The following KHDRBS2 variants were observed in gnomAD, a reference collection of about 807,000 sequenced individuals.
The protein encoded by KHDRBS2 is KH domain-containing, RNA-binding, signal transduction-associated protein 2.
Under a neutral mutation model 44.3 loss-of-function variants are expected in KHDRBS2, and 26 were observed. The observed-to-expected ratio is 0.59, with a 90% CI of 0.43 to 0.81. The LOEUF is 0.81. Ranked by LOEUF, KHDRBS2 falls within the 40% of genes least tolerant of loss-of-function variation. KHDRBS2 has a pLI of 0.00. For missense variants in KHDRBS2, 476 were observed against 433.1 expected (o/e 1.10, Z -0.88); for synonymous variants, 194 against 151.1 (o/e 1.28, Z -2.08).
intron 2 of KHDRBS2, among the ~76,000 whole-genome samples, chr6:62,107,289 T>C (rs986783871): frequency 2.0e-5 from 3 of 152,160 alleles, no homozygotes; most frequent in Admixed American, 2.0e-4. Context: ...AGCATTCTTA[T>C]ACACCAATAA....
intron 2 of KHDRBS2, among the ~76,000 whole-genome samples, chr6:62,073,011 A>T (rs1795537591): frequency 6.6e-6 from 1 of 152,008 alleles, no homozygotes; most frequent in Non-Finnish European, 1.5e-5. Flanking sequence ...TATTGCCTCA[A>T]TTTCAGAGCC....
At chr6:61,890,827 A>T (rs1392843397) in intron 6 of KHDRBS2, among the ~76,000 whole-genome samples, 1 of 152,040 alleles carries the variant, frequency 6.6e-6, no homozygotes, top group East Asian at 1.9e-4. Context: ...GTAGAATATG[A>T]TTTCTGTTTC....
chr6:62,158,492 T>C (rs1296028506), intron 2 of KHDRBS2, among the ~76,000 whole-genome samples: 4 of 152,162 alleles, frequency 2.6e-5, no homozygotes, highest in Non-Finnish European at 2.9e-5. Flanking sequence ...CAGGTCTATC[T>C]AGTTCAAAAT....
At chr6:61,717,349 G>A (rs1377329282) in intron 7 of KHDRBS2, among the ~76,000 whole-genome samples, 1 of 151,908 alleles carries the variant, frequency 6.6e-6, no homozygotes, top group Non-Finnish European at 1.5e-5. Context: ...AACTAAAAAA[G>A]AGAGAGAGAA....
intron 1 of KHDRBS2, among the ~76,000 whole-genome samples, chr6:62,206,281 CA>C (rs1827957890): frequency 6.6e-6 from 1 of 152,142 alleles, no homozygotes; most frequent in Middle Eastern, 3.4e-3. Flanking sequence ...TGTTTATGCA[CA>C]AACAGGTCAT....
At position 62,058,952 on chromosome 6, in the gene KHDRBS2, A is replaced by T. The variant is rs374708401; in HGVS notation, c.220-10958T>A. 1.5e-3 allele frequency among the ~76,000 whole-genome samples: 222 copies of T among 151,868 alleles called. 1 individual carries two copies. The highest frequency in any genetic ancestry group is 5.0e-3 in the African/African-American group (208 of 41,524). On this transcript the variant is annotated intron_variant, in intron 2 of 8. Transcript: ENST00000281156. The stretch of plus-strand genomic sequence containing the variant: ...AATATGTAAAATTCATATAAAATAA[A>T]ATCAGTTCAGTCACTCACAAGTAAC...
At chr6:61,644,475 G>T in the KHDRBS2 span, among the ~76,000 whole-genome samples, 1 of 152,128 alleles carries the variant, frequency 6.6e-6, no homozygotes, top group African/African-American at 2.4e-5. Flanking sequence ...TTAAACTTAA[G>T]AGCTTCTGTA....
chr6:62,098,181 T>C (rs1361537749), intron 2 of KHDRBS2, among the ~76,000 whole-genome samples: 2 of 151,982 alleles, frequency 1.3e-5, no homozygotes, highest in Admixed American at 6.6e-5. Flanking sequence ...ATGTCTATAG[T>C]ATAGGAGTAT....
Position 61,954,848 on chromosome 6 carries a change from ATG to A in KHDRBS2, c.483+23216_483+23217del, listed in dbSNP as rs1562513802. On this transcript the variant is annotated intron_variant, in intron 4 of 8. Transcript: ENST00000281156. Reference sequence around the variant, plus strand: ...TACACATGCATATGTATGTATACATATGCATGTGTATATACACATACATATGT... The same window carrying A: ...TACACATGCATATGTATGTATACATACATGTGTATATACACATACATATGT... 1.0e-3 allele frequency among the ~76,000 whole-genome samples: 44 copies of A among 42,742 alleles called. 2 individuals are homozygous for A. The highest frequency in any genetic ancestry group is 4.0e-3 in the South Asian group (5 of 1,250). 28.0% of individuals were successfully genotyped at this position (42,742 alleles called of 152,430 possible). A position where few individuals can be genotyped will look rare whatever the true frequency, so the allele number is the denominator to read the frequency against.
chr6:61,821,782 T>G (rs1017616743), intron 6 of KHDRBS2, among the ~76,000 whole-genome samples: 11 of 142,936 alleles, frequency 7.7e-5, no homozygotes, highest in Non-Finnish European at 1.4e-4. Flanking sequence ...GGTGTCACAT[T>G]GTTAAGATTT....
chr6:61,837,686 T>A (rs994225315), intron 6 of KHDRBS2, among the ~76,000 whole-genome samples: 2 of 152,006 alleles, frequency 1.3e-5, no homozygotes, highest in African/African-American at 4.8e-5. Context: ...TTTGTTGTCG[T>A]CTGGTAGGAA....
intron 2 of KHDRBS2, among the ~76,000 whole-genome samples, chr6:62,120,270 ATAGGGATGC>A (rs562770949): frequency 7.9e-4 from 121 of 152,322 alleles, no homozygotes; most frequent in Admixed American, 1.6e-3. Context: ...GCTTAGGAAC[ATAGGGATGC>A]TAGAGTGAAT....
chr6:61,568,789 T>A, the KHDRBS2 span, among the ~76,000 whole-genome samples: 4 of 152,158 alleles, frequency 2.6e-5, no homozygotes, highest in Non-Finnish European at 4.4e-5. Flanking sequence ...AGGGAAGCCA[T>A]CCCTGACTAT....
chr6:62,111,863 C>CA (rs1805076766), intron 2 of KHDRBS2, among the ~76,000 whole-genome samples: 1 of 151,988 alleles, frequency 6.6e-6, no homozygotes, highest in Admixed American at 6.6e-5. Flanking sequence ...GCCTAGGTGA[C>CA]AGATTGAGAC....
At chr6:61,777,741 T>C (rs1459868315) in intron 6 of KHDRBS2, among the ~76,000 whole-genome samples, 1 of 152,158 alleles carries the variant, frequency 6.6e-6, no homozygotes. Flanking sequence ...AGATTCTTGA[T>C]ATCTTTCAAA....
the KHDRBS2 span, among the ~76,000 whole-genome samples, chr6:61,624,318 C>T: frequency 1.3e-5 from 2 of 152,308 alleles, no homozygotes; most frequent in Non-Finnish European, 2.9e-5. Context: ...TTAACCAAGG[C>T]TTATCCAGCT....
At chr6:61,767,032 G>C (rs528468395) in intron 6 of KHDRBS2, among the ~76,000 whole-genome samples, 1 of 152,020 alleles carries the variant, frequency 6.6e-6, no homozygotes, top group African/African-American at 2.4e-5. Context: ...TGAATGATCT[G>C]TCCAATGCTG....
intron 2 of KHDRBS2, among the ~76,000 whole-genome samples, chr6:62,109,292 C>A (rs1372087711): frequency 6.6e-6 from 1 of 151,842 alleles, no homozygotes; most frequent in Non-Finnish European, 1.5e-5. Context: ...TATCCAATAT[C>A]CATTCCTAAT....
chr6:62,140,794 G>A (rs946446293), intron 2 of KHDRBS2, among the ~76,000 whole-genome samples: 4 of 152,140 alleles, frequency 2.6e-5, no homozygotes, highest in African/African-American at 9.7e-5. Context: ...AAAAACCACA[G>A]AAGTATAAAG....
Sources: gnomAD v4.1 joint callset for allele counts (sites outside exome capture counted in the v4.1 genomes callset) on GRCh38, gnomAD v4.1.1 for gene constraint, MANE v1.5 for transcripts, NCBI Gene and HGNC (gene_info 2026-07-23, HGNC 2026-07-21) for gene names.